Variants in ZC3H12C observed in about 807,000 individuals in gnomAD.
The protein encoded by ZC3H12C is zinc finger CCCH-type containing 12C, also known as probable ribonuclease ZC3H12C.
ZC3H12C carries 20 observed loss-of-function variants against 76.3 expected under a neutral mutation model. The observed-to-expected ratio is 0.26, with a 90% CI of 0.18 to 0.38. The LOEUF is 0.38. Among genes scored for constraint, ZC3H12C ranks in the 10% least tolerant of loss-of-function variants. ZC3H12C has a pLI of 1.00. For synonymous variants in ZC3H12C, 352 were observed against 399.6 expected, an observed-to-expected ratio of 0.88 and a Z score of 1.42; for missense variants, 874 against 1,086.5, an observed-to-expected ratio of 0.80 and a Z score of 2.75.
chr11:110,156,145 TATA>T (rs1351998467), intron 3 of ZC3H12C, among the ~76,000 whole-genome samples: 1 of 18,016 alleles, frequency 5.6e-5, no homozygotes, highest in Non-Finnish European at 1.9e-4. Context: ...TATATATAAA[TATA>T]TATTTATATT....
intron 3 of ZC3H12C, 41 bp downstream of exon 3, chr11:110,153,099 A>C (rs757390665): frequency 6.3e-7 from 1 of 1,593,814 alleles, no homozygotes. Context: ...TAGCTTTCCT[A>C]TAATAACCAT....
chr11:110,164,880 C>A lies in ZC3H12C; in HGVS notation c.1795C>A (p.Leu599Met), dbSNP rs1433227668. The change falls in exon 6 of 6, where the codon CTG (leucine) becomes ATG (methionine). Residue 599 changes from leucine to methionine, a missense_variant. Leu to Met is a conservative substitution (Grantham distance 15). Coordinates refer to ENST00000278590, the MANE Select transcript of ZC3H12C (RefSeq NM_033390.2). The surrounding 1 kb of genome is among the most constrained non-coding windows in gnomAD (Gnocchi z 5.7). ...TTCCATGTTGAATGCATACTCAAAT[C>A]TGAGTCTCTCAGGCCCACGAAGCCC... ...YYSMLNAYSN[L>M]SLSGPRSPER... The A allele has an allele frequency of 2.5e-6, 4 of 1,613,898 alleles. No individual in the cohort carries two copies. The highest frequency in any genetic ancestry group is 3.4e-6 in the Non-Finnish European group (4 of 1,179,912).
chr11:110,122,301 G>T (rs1861664400), intron 1 of ZC3H12C, among the ~76,000 whole-genome samples: 2 of 152,092 alleles, frequency 1.3e-5, no homozygotes, highest in South Asian at 2.1e-4. Context: ...ATAATTTCAA[G>T]ATATCTTATG....
chr11:110,130,283 CTTTTG>C (rs1487297749), intron 1 of ZC3H12C, among the ~76,000 whole-genome samples: 3 of 152,136 alleles, frequency 2.0e-5, no homozygotes, highest in African/African-American at 4.8e-5. Context: ...TTAGACAGAA[CTTTTG>C]TTTTATCTAC....
intron 1 of ZC3H12C, among the ~76,000 whole-genome samples, chr11:110,125,333 T>C (rs1408294699): frequency 1.3e-5 from 2 of 149,428 alleles, no homozygotes; most frequent in Non-Finnish European, 3.0e-5. Flanking sequence ...TTTTTTTTGT[T>C]TGTTTTGAGA....
intron 3 of ZC3H12C, among the ~76,000 whole-genome samples, chr11:110,155,336 A>T (rs928655796): frequency 2.6e-5 from 4 of 152,060 alleles, no homozygotes; most frequent in African/African-American, 9.7e-5. Context: ...AAAAACTGAT[A>T]GCATTCAGTG....
intron 1 of ZC3H12C, among the ~76,000 whole-genome samples, chr11:110,116,042 G>A (rs1399960393): frequency 1.2e-4 from 19 of 152,180 alleles, no homozygotes; most frequent in Non-Finnish European, 2.9e-5. Flanking sequence ...TTACAGGCGT[G>A]AGCCACCACG....
chr11:110,131,308 T>C (rs1255457023), intron 1 of ZC3H12C: 9 of 570,776 alleles, frequency 1.6e-5, no homozygotes, highest in African/African-American at 3.8e-5. Flanking sequence ...TAGAGTTATA[T>C]AAATAATTAC....
intron 2 of ZC3H12C, among the ~76,000 whole-genome samples, chr11:110,142,068 C>T (rs1862075989): frequency 6.6e-6 from 1 of 152,098 alleles, no homozygotes; most frequent in Admixed American, 6.5e-5. Flanking sequence ...TTTGGCAGTG[C>T]CCCATTTCTC....
intron 1 of ZC3H12C, among the ~76,000 whole-genome samples, chr11:110,118,694 G>A (rs1307151037): frequency 6.6e-6 from 1 of 152,144 alleles, no homozygotes; most frequent in Non-Finnish European, 1.5e-5. Flanking sequence ...CTACTCAGGA[G>A]GCTAAGGCAG....
chr11:110,130,891 G>A, intron 1 of ZC3H12C: 1 of 742,912 alleles, frequency 1.3e-6, no homozygotes. Context: ...TGCTGAGGTT[G>A]TCTTGCATCT....
chr11:110,103,603 G>GT (rs35653860), intron 1 of ZC3H12C, among the ~76,000 whole-genome samples: 57,352 of 150,330 alleles, frequency 0.38, 11,305 homozygotes, highest in East Asian at 0.65. Flanking sequence ...AAGTTATTGA[G>GT]TTTTTTTTTG....
chr11:110,163,750 C>T (rs1393759468), intron 5 of ZC3H12C, among the ~76,000 whole-genome samples: 1 of 152,022 alleles, frequency 6.6e-6, no homozygotes, highest in Non-Finnish European at 1.5e-5. Context: ...ATTATAAAGT[C>T]CTACTGGAAG....
At chr11:110,125,075 T>A (rs1189103251) in intron 1 of ZC3H12C, among the ~76,000 whole-genome samples, 1 of 152,122 alleles carries the variant, frequency 6.6e-6, no homozygotes, top group African/African-American at 2.4e-5. Context: ...CTATGAGGTT[T>A]TAAGAATGCA....
intron 1 of ZC3H12C, among the ~76,000 whole-genome samples, chr11:110,132,384 C>A (rs924830654): frequency 3.3e-5 from 5 of 152,094 alleles, no homozygotes; most frequent in Admixed American, 3.3e-4. Flanking sequence ...TCAGCTAGTA[C>A]AAAGTTTCTT....
intron 1 of ZC3H12C, among the ~76,000 whole-genome samples, chr11:110,135,473 G>A: frequency 8.6e-6 from 1 of 116,660 alleles, no homozygotes; most frequent in Non-Finnish European, 1.6e-5. Flanking sequence ...CTGGGCAACA[G>A]AGTGAGACTC....
chr11:110,095,072 A>G (rs924675355), intron 1 of ZC3H12C, among the ~76,000 whole-genome samples: 2 of 152,220 alleles, frequency 1.3e-5, no homozygotes, highest in Non-Finnish European at 2.9e-5. Flanking sequence ...TATAATGGGA[A>G]ATATTAAAGG....
At chr11:110,123,297 C>G (rs1412725754) in intron 1 of ZC3H12C, among the ~76,000 whole-genome samples, 4 of 152,266 alleles carry the variant, frequency 2.6e-5, no homozygotes, top group African/African-American at 4.8e-5. Flanking sequence ...TGAGTATTTA[C>G]AGGTTTTGTA....
rs1376919475 is a variant in ZC3H12C at position 110,165,506 on chromosome 11, C to T, written c.2421C>T (p.Phe807=). 6.2e-7 allele frequency: 1 copy of T among 1,613,998 alleles called. No homozygotes were observed. Among genetic ancestry groups the T allele is most frequent in the South Asian group, 1.1e-5 (1 of 91,078 alleles). ...CCACACAGCCGTGTTATGAGCAGTT[C>T]ACCTTCCAGAGCCTCCCTGAGCAAC... ...DNSTQPCYEQ[F]TFQSLPEQQE... is the part of the protein sequence containing the mutation. Residue 807 remains phenylalanine (F), a synonymous_variant, in exon 6 of 6, where the codon TTC becomes TTT. Transcript: ENST00000278590.
Sources: gnomAD v4.1 joint callset for allele counts (sites outside exome capture counted in the v4.1 genomes callset) on GRCh38, gnomAD v4.1.1 for gene constraint, Gnocchi (gnomAD v3.1) non-coding constraint, MANE v1.5 for transcripts, NCBI Gene and HGNC (gene_info 2026-07-23, HGNC 2026-07-21) for gene names.